Variants in ADCY2 observed in about 807,000 individuals in gnomAD.
The protein encoded by ADCY2 is adenylate cyclase type 2.
A neutral mutation model predicts 125.2 loss-of-function variants in ADCY2; 31 were observed. The observed-to-expected ratio is 0.25, with a 90% CI of 0.19 to 0.33. The LOEUF (loss-of-function observed/expected upper bound fraction) is 0.33, where lower values mean the gene tolerates loss of function less well. Among genes scored for constraint, ADCY2 ranks in the 10% least tolerant of loss-of-function variants. The pLI is 1.00. For synonymous variants in ADCY2, 512 were observed against 548.4 expected (o/e 0.93, Z 0.93); for missense variants, 904 against 1,418.2 (o/e 0.64, Z 5.82).
At position 7,396,560 on chromosome 5, in the gene ADCY2, G is replaced by T; in HGVS notation, c.210+54G>T. ...CGCGCCTTCCCCGGCCCTGAGAGGA[G>T]CCCGGCCAGCCGAGCCGCGTCCCGC... On this transcript the variant is annotated intron_variant, in intron 1 of 24. Transcript: ENST00000338316. The surrounding 1 kb of genome is among the most constrained non-coding windows in gnomAD (Gnocchi z 5.7). 7.6e-6 allele frequency: 11 copies of T among 1,455,206 alleles called. No individual in the cohort carries two copies. Among genetic ancestry groups the T allele is most frequent in the Non-Finnish European group, 8.2e-6 (9 of 1,101,296 alleles). 90.1% of individuals were successfully genotyped at this position (1,455,206 alleles called of 1,614,324 possible). A position where few individuals can be genotyped will look rare whatever the true frequency, so the allele number is the denominator to read the frequency against.
chr5:7,429,581 C>A (rs995368038), intron 2 of ADCY2, among the ~76,000 whole-genome samples: 1 of 152,000 alleles, frequency 6.6e-6, no homozygotes, highest in South Asian at 2.1e-4. Context: ...GCATAATGGA[C>A]TTAAATTACA....
At chr5:7,789,234 G>A (rs749512081) in intron 19 of ADCY2, among the ~76,000 whole-genome samples, 5 of 152,164 alleles carry the variant, frequency 3.3e-5, no homozygotes, top group Admixed American at 2.6e-4. Context: ...TGCCATAAAC[G>A]AACAATACAG....
intron 16 of ADCY2, among the ~76,000 whole-genome samples, chr5:7,758,320 C>T (rs1002934401): frequency 2.0e-5 from 3 of 152,170 alleles, no homozygotes; most frequent in Admixed American, 1.3e-4. Context: ...ACAATAGACA[C>T]TTGGCTCATC....
intron 19 of ADCY2, among the ~76,000 whole-genome samples, chr5:7,787,788 A>G (rs2126502439): frequency 6.6e-6 from 1 of 152,238 alleles, no homozygotes; most frequent in Non-Finnish European, 1.5e-5. Flanking sequence ...GATTTTTTTT[A>G]GTAGGAGACT....
rs181062896 is a variant in ADCY2, at chr5:7,702,737, A to G, written c.1110-4007A>G. On this transcript the variant is annotated intron_variant, in intron 7 of 24. Transcript: ENST00000338316. The stretch of plus-strand genomic sequence containing the variant: ...GCATGATTTATAATCCTTTGGGTAC[A>G]TACCCAGTAATGGGATGGCTGGGTG... Among the ~76,000 whole-genome samples the G allele has an allele frequency of 7.6e-4, 116 of 152,354 alleles. No individual in the cohort carries two copies. In the Middle Eastern group the frequency reaches 0.017, roughly 22 times the overall value.
chr5:7,712,599 T>G (rs937767098), intron 10 of ADCY2, among the ~76,000 whole-genome samples: 4 of 152,210 alleles, frequency 2.6e-5, no homozygotes, highest in African/African-American at 9.6e-5. Context: ...GCTATAAATC[T>G]TAAAACTCCA....
At chr5:7,444,277 T>C (rs1004204970) in intron 2 of ADCY2, among the ~76,000 whole-genome samples, 2 of 150,690 alleles carry the variant, frequency 1.3e-5, no homozygotes, top group Admixed American at 6.6e-5. Context: ...CCACGCCTGG[T>C]TAATTTTTTT....
chr5:7,574,920 T>C (rs1736195287), intron 3 of ADCY2, among the ~76,000 whole-genome samples: 4 of 152,102 alleles, frequency 2.6e-5, no homozygotes, highest in Admixed American at 2.6e-4. Flanking sequence ...TACACCCAAA[T>C]AAAATAATAT....
intron 3 of ADCY2, among the ~76,000 whole-genome samples, chr5:7,616,112 A>G (rs1042617264): frequency 3.9e-5 from 6 of 152,192 alleles, no homozygotes; most frequent in African/African-American, 1.4e-4. Context: ...TTAGTCTAGT[A>G]ACATGATAAA....
chr5:7,397,473 T>TA (rs1554005062), intron 1 of ADCY2, among the ~76,000 whole-genome samples: 1 of 147,976 alleles, frequency 6.8e-6, no homozygotes, highest in Non-Finnish European at 1.5e-5. Flanking sequence ...TTTTTTTTTT[T>TA]AGTCAGTGGT....
At chr5:7,775,544 C>G (rs1012400147) in intron 18 of ADCY2, among the ~76,000 whole-genome samples, 5 of 151,400 alleles carry the variant, frequency 3.3e-5, no homozygotes, top group African/African-American at 1.2e-4. Context: ...GCAGCCGCCA[C>G]CATGCCTGGC....
At chr5:7,792,411 C>G (rs1744278098) in intron 20 of ADCY2, among the ~76,000 whole-genome samples, 2 of 151,940 alleles carry the variant, frequency 1.3e-5, no homozygotes, top group South Asian at 4.1e-4. Context: ...AATAAATAAA[C>G]ATTTTTAAAA....
chr5:7,771,552 T>C (rs1379957730), intron 17 of ADCY2, among the ~76,000 whole-genome samples: 1 of 152,168 alleles, frequency 6.6e-6, no homozygotes, highest in Non-Finnish European at 1.5e-5. Context: ...TCCTTACTGA[T>C]GGATTTCTAC....
chr5:7,411,468 G>A (rs1447590974), intron 1 of ADCY2, among the ~76,000 whole-genome samples: 1 of 152,200 alleles, frequency 6.6e-6, no homozygotes, highest in Admixed American at 6.5e-5. Context: ...CAACTGCATT[G>A]TCATAAAGAT....
intron 2 of ADCY2, among the ~76,000 whole-genome samples, chr5:7,464,753 T>C (rs1361917325): frequency 6.6e-6 from 1 of 152,156 alleles, no homozygotes. Context: ...AGAGGAGATT[T>C]TAGGTGTGAG....
At chr5:7,467,293 G>T (rs1437388499) in intron 2 of ADCY2, among the ~76,000 whole-genome samples, 1 of 152,158 alleles carries the variant, frequency 6.6e-6, no homozygotes, top group Non-Finnish European at 1.5e-5. Flanking sequence ...TAGCCCTTGA[G>T]GCATCAGCCA....
chr5:7,400,145 G>T (rs1739209847), intron 1 of ADCY2, among the ~76,000 whole-genome samples: 1 of 151,860 alleles, frequency 6.6e-6, no homozygotes. Flanking sequence ...AGCCAGATTT[G>T]TTTTGGCTAA....
intron 4 of ADCY2, among the ~76,000 whole-genome samples, chr5:7,648,775 A>T (rs985312774): frequency 6.6e-6 from 1 of 152,206 alleles, no homozygotes; most frequent in African/African-American, 2.4e-5. Flanking sequence ...CATTATTTTA[A>T]ATTTGTGAAG....
At chr5:7,413,334 G>C (rs1208595363) in intron 1 of ADCY2, among the ~76,000 whole-genome samples, 1 of 151,796 alleles carries the variant, frequency 6.6e-6, no homozygotes, top group South Asian at 2.1e-4. Flanking sequence ...TCGCTCTGGC[G>C]CCCAGGCTGG....
Sources: gnomAD v4.1 joint callset for allele counts (sites outside exome capture counted in the v4.1 genomes callset) on GRCh38, gnomAD v4.1.1 for gene constraint, Gnocchi (gnomAD v3.1) non-coding constraint, MANE v1.5 for transcripts, NCBI Gene and HGNC (gene_info 2026-07-23, HGNC 2026-07-21) for gene names.